Variants in JARID2 observed in about 807,000 individuals in gnomAD.
JARID2 encodes the protein jumonji and AT-rich interaction domain containing 2, also known as protein Jumonji.
JARID2 carries 21 observed loss-of-function variants against 125.6 expected under a neutral mutation model. The observed-to-expected ratio is 0.17, with a 90% CI of 0.12 to 0.24. The LOEUF is 0.24. Ranked by LOEUF, JARID2 falls within the 10% of genes least tolerant of loss-of-function variation. The pLI is 1.00. For synonymous variants in JARID2, 736 were observed against 661.6 expected (o/e 1.11, Z -1.73); for missense variants, 1,303 against 1,639.6 (o/e 0.79, Z 3.55).
At chr6:15,320,883 T>TGTGTGTGTGTGTGTGTGTGTGTGTG (rs773153042) in intron 1 of JARID2, among the ~76,000 whole-genome samples, 1 of 151,228 alleles carries the variant, frequency 6.6e-6, no homozygotes, top group Admixed American at 6.6e-5. Flanking sequence ...TGTGTGTGTG[T>TGTGTGTGTGTGTGTGTGTGTGTGTG]TAGTTAAACT....
intron 2 of JARID2, among the ~76,000 whole-genome samples, chr6:15,402,425 A>T (rs1765474363): frequency 6.6e-6 from 1 of 152,176 alleles, no homozygotes. Flanking sequence ...CTATCTGTGA[A>T]CATGCTGTGT....
chr6:15,399,845 C>T (rs553221181), intron 2 of JARID2, among the ~76,000 whole-genome samples: 2 of 152,188 alleles, frequency 1.3e-5, no homozygotes, highest in Non-Finnish European at 2.9e-5. Flanking sequence ...TGGACTTGGC[C>T]ACCATCTTCC....
intron 16 of JARID2, among the ~76,000 whole-genome samples, chr6:15,514,953 A>G (rs1419299935): frequency 6.6e-6 from 1 of 152,218 alleles, no homozygotes; most frequent in African/African-American, 2.4e-5. Context: ...TGGTTCTTAA[A>G]AGAAAATGAT....
intron 4 of JARID2, among the ~76,000 whole-genome samples, chr6:15,453,128 A>T (rs1767997332): frequency 6.6e-6 from 1 of 152,222 alleles, no homozygotes; most frequent in African/African-American, 2.4e-5. Context: ...TAACTGTCAA[A>T]GTTAAGAAGT....
At chr6:15,274,390 G>C (rs1760415875) in intron 1 of JARID2, among the ~76,000 whole-genome samples, 1 of 152,156 alleles carries the variant, frequency 6.6e-6, no homozygotes, top group South Asian at 2.1e-4. Context: ...AGAGAAATGG[G>C]ATTGTTTTTA....
chr6:15,452,121 C>G lies in JARID2; in HGVS notation c.439C>G (p.Leu147Val). The G allele has an allele frequency of 3.1e-6, 5 of 1,614,080 alleles. No homozygotes were observed. Among genetic ancestry groups the G allele is most frequent in the Non-Finnish European group, 4.2e-6 (5 of 1,180,016 alleles). The change falls in exon 4 of 18, where the codon CTC becomes GTC. Residue 147 changes from leucine (L) to valine (V), a missense_variant. Physicochemically the swap from Leu to Val is conservative, Grantham distance 32 (BLOSUM62 1). Around this residue, in one of 11 missense-constraint regions of JARID2, gnomAD observed 42 missense variants for 35.7 expected, o/e 1.18. Transcript: ENST00000341776. ...CCCTCCAGCTACTCAGATATCAGACCTCTCTAAAAGGAAGCCTAAGACAGA... is the reference window on the plus strand; with the variant it reads ...CCCTCCAGCTACTCAGATATCAGACGTCTCTAAAAGGAAGCCTAAGACAGA... ...LPPPATQISD[L>V]SKRKPKTEDF...
intron 1 of JARID2, among the ~76,000 whole-genome samples, chr6:15,294,825 G>A (rs1331766044): frequency 1.3e-5 from 2 of 152,212 alleles, no homozygotes; most frequent in Non-Finnish European, 2.9e-5. Context: ...CATATAGTGA[G>A]TGATACAAGG....
chr6:15,487,611 A>G, intron 6 of JARID2, 69 bp downstream of exon 6: 2 of 1,332,116 alleles, frequency 1.5e-6, no homozygotes, highest in East Asian at 5.0e-5. Flanking sequence ...ACCAAGCTAA[A>G]AATTCATCTT....
intron 2 of JARID2, among the ~76,000 whole-genome samples, chr6:15,402,184 T>C (rs1235558662): frequency 6.6e-6 from 1 of 152,212 alleles, no homozygotes; most frequent in Non-Finnish European, 1.5e-5. Flanking sequence ...ACACAAAGTT[T>C]GTGGAGCTTT....
intron 1 of JARID2, among the ~76,000 whole-genome samples, chr6:15,275,252 A>C (rs1221074521): frequency 2.0e-5 from 3 of 152,172 alleles, no homozygotes; most frequent in Non-Finnish European, 4.4e-5. Flanking sequence ...AATGAGCTGG[A>C]AAACTTTGTC....
At chr6:15,405,554 C>T (rs1407289654) in intron 2 of JARID2, among the ~76,000 whole-genome samples, 1 of 152,162 alleles carries the variant, frequency 6.6e-6, no homozygotes, top group Non-Finnish European at 1.5e-5. Context: ...TTAAGTTCAA[C>T]CTACTGAATA....
rs1399611355 is a variant in JARID2 at position 15,399,223 on chromosome 6, T to C, written c.182-11001T>C. Among the ~76,000 whole-genome samples the C allele has an allele frequency of 6.1e-4, 93 of 152,288 alleles. 1 individual carries two copies. The highest frequency in any genetic ancestry group is 5.9e-5 in the Non-Finnish European group (4 of 68,018). Reference sequence around the variant, plus strand: ...AGAGCACCTCTTCTCCAGCCTTCTATGTTCTGTAGGGAATTGTATATTGAG... The same window carrying C: ...AGAGCACCTCTTCTCCAGCCTTCTACGTTCTGTAGGGAATTGTATATTGAG... On this transcript the variant is annotated intron_variant, in intron 2 of 17. Coordinates refer to ENST00000341776, the MANE Select transcript of JARID2 (RefSeq NM_004973.4).
intron 1 of JARID2, among the ~76,000 whole-genome samples, chr6:15,257,400 C>G (rs1759705850): frequency 6.6e-6 from 1 of 152,182 alleles, no homozygotes; most frequent in Admixed American, 6.5e-5. Context: ...GGGCCATACT[C>G]TTTAAGTGCT....
rs1301824277 is a variant in JARID2 at position 15,354,705 on chromosome 6, GAAT to G, written c.46-19411_46-19409del. Among the ~76,000 whole-genome samples, 5 of 152,258 alleles carry G rather than the reference GAAT, an allele frequency of 3.3e-5. 1 individual carries two copies. Among genetic ancestry groups the G allele is most frequent in the Admixed American group, 1.3e-4 (2 of 15,294 alleles). The stretch of plus-strand genomic sequence containing the variant: ...GGACTGTAAAAGTGTACAGTATATC[GAAT>G]GCTACTTAGCTGGGTTAGGCCACAT... On this transcript the variant is annotated intron_variant, in intron 1 of 17. Coordinates refer to ENST00000341776, the MANE Select transcript of JARID2 (RefSeq NM_004973.4).
intron 3 of JARID2, among the ~76,000 whole-genome samples, chr6:15,417,811 A>C (rs909620885): frequency 1.3e-5 from 2 of 152,196 alleles, no homozygotes; most frequent in African/African-American, 4.8e-5. Context: ...TGTATGTTAG[A>C]TGTTAGTAGC....
chr6:15,478,539 A>G (rs140915388), intron 5 of JARID2, among the ~76,000 whole-genome samples: 180 of 151,964 alleles, frequency 1.2e-3, no homozygotes, highest in Non-Finnish European at 1.8e-3. Flanking sequence ...TGCATATTTA[A>G]GGGTGTTTCT....
At chr6:15,500,447 C>T (rs1011844894) in intron 7 of JARID2, among the ~76,000 whole-genome samples, 1 of 152,128 alleles carries the variant, frequency 6.6e-6, no homozygotes, top group African/African-American at 2.4e-5. Flanking sequence ...TGGTAACAAG[C>T]ATGTGTCAAA....
chr6:15,464,613 C>G (rs1413473817), intron 4 of JARID2, among the ~76,000 whole-genome samples: 1 of 152,210 alleles, frequency 6.6e-6, no homozygotes. Flanking sequence ...AGCTTAACCT[C>G]TGAACTAAGG....
intron 5 of JARID2, among the ~76,000 whole-genome samples, chr6:15,469,615 G>A (rs1011658549): frequency 1.3e-5 from 2 of 150,530 alleles, no homozygotes; most frequent in African/African-American, 2.4e-5. Flanking sequence ...ACGCCCAGCC[G>A]CCTAGTGGTT....
Sources: allele counts gnomAD v4.1 joint callset (sites outside exome capture counted in the v4.1 genomes callset), GRCh38; gene constraint gnomAD v4.1.1; regional missense constraint gnomAD v4.1.1; transcripts MANE v1.5; gene names NCBI Gene and HGNC (gene_info 2026-07-23, HGNC 2026-07-21).